The following TRIP12 variants were observed in gnomAD, a reference collection of about 807,000 sequenced individuals.
TRIP12 encodes E3 ubiquitin-protein ligase TRIP12.
A neutral mutation model predicts 244.2 loss-of-function variants in TRIP12; 25 were observed. That is an observed-to-expected ratio of 0.10 (90% confidence interval 0.07 to 0.14). The LOEUF (loss-of-function observed/expected upper bound fraction) is 0.14. TRIP12 is among the 10% of genes least tolerant of loss of function. The probability of loss-of-function intolerance (pLI) is 1.00; values close to 1 mark genes in which losing one functional copy is unlikely to be tolerated. For missense variants in TRIP12, 1,677 were observed against 2,486.4 expected (o/e 0.67, Z 6.92); for synonymous variants, 905 against 873.1 (o/e 1.04, Z -0.64).
In TRIP12 at chr2:229,764,197, ATTTTT is replaced by A. The variant is rs974723138; in HGVS notation, c.*3352_*3356del. 6.8e-6 allele frequency: 1 copy of A among 148,114 alleles called. No homozygotes were observed. The highest frequency in any genetic ancestry group is 1.5e-5 in the Non-Finnish European group (1 of 66,668). 9.2% of individuals were successfully genotyped at this position (148,114 alleles called of 1,614,324 possible). ...TATTTATAAATGCTATTTTGTCTGG[ATTTTT>A]TTTTTTGAGGTAACAAAGGAAGCAT... On this transcript the variant is annotated 3_prime_UTR_variant, in exon 42 of 42. Coordinates refer to ENST00000675903, the MANE Select transcript of TRIP12 (RefSeq NM_001348323.3).
chr2:229,792,252 C>T lies in TRIP12; in HGVS notation c.4142-26G>A, dbSNP rs202236510. ...CTGAAGACCCAAGTAGACTTTTAAA[C>T]TCTTAGCGATTTTAGGTGTAAAAAA... is the stretch of plus-strand genomic sequence containing the variant. On this transcript the variant is annotated intron_variant, in intron 27 of 41. Coordinates refer to ENST00000675903, the MANE Select transcript of TRIP12 (RefSeq NM_001348323.3). 14 of 1,604,456 alleles carry T rather than the reference C, an allele frequency of 8.7e-6. 1 individual carries two copies. The East Asian group carries it at 2.5e-4, about 28-fold the overall frequency.
chr2:229,831,021 G>C, intron 6 of TRIP12, 182 bp from the exon 7 acceptor site: 1 of 684,528 alleles, frequency 1.5e-6, no homozygotes, highest in South Asian at 1.7e-5. Flanking sequence ...AATGAAAGGA[G>C]AGCTCAACTA....
At position 229,858,763 on chromosome 2, in the gene TRIP12, TAAAC is replaced by T; in HGVS notation, c.1027+5_1027+8del. The T allele has an allele frequency of 1.3e-6, 2 of 1,551,982 alleles. No homozygotes were observed. Among genetic ancestry groups the T allele is most frequent in the Admixed American group, 2.1e-5 (1 of 47,830 alleles). On this transcript the variant is annotated splice_donor_5th_base_variant and intron_variant, in intron 4 of 41. Coordinates refer to ENST00000675903, the MANE Select transcript of TRIP12 (RefSeq NM_001348323.3). ...TTAATTAAAGAAAAATACCTTTTTG[TAAAC>T]TTACTTGCTAATTTGGCCTGTAATC...
chr2:229,791,399 T>G (rs2041487086), intron 29 of TRIP12, 148 bp from the exon 30 acceptor site: 1 of 980,112 alleles, frequency 1.0e-6, no homozygotes, highest in African/African-American at 1.6e-5. Context: ...GAGAACTTCT[T>G]AGAAGAGATC....
intron 1 of TRIP12, among the ~76,000 whole-genome samples, chr2:229,881,173 G>T (rs143078625): frequency 6.6e-6 from 1 of 152,170 alleles, no homozygotes; most frequent in Non-Finnish European, 1.5e-5. Flanking sequence ...AAGAAATTGC[G>T]AAAGTATTTT....
At chr2:229,892,425 T>A (rs2067593019) in intron 1 of TRIP12, among the ~76,000 whole-genome samples, 1 of 152,176 alleles carries the variant, frequency 6.6e-6, no homozygotes, top group Non-Finnish European at 1.5e-5. Context: ...ATGTCTTGAG[T>A]CTGTTCAAAC....
intron 33 of TRIP12, among the ~76,000 whole-genome samples, chr2:229,786,213 G>A (rs1356202291): frequency 6.6e-6 from 1 of 152,116 alleles, no homozygotes. Context: ...TTTAGATAGA[G>A]AAATAGATAT....
At position 229,798,887 on chromosome 2, in the gene TRIP12, A is replaced by T; in HGVS notation, c.3470T>A (p.Ile1157Asn). The part of the protein sequence containing the change: ...GLARAASKDT[I>N]SNNREKIKGW... The stretch of plus-strand genomic sequence containing the variant: ...CCCCCCACTTCACCTATTATTGGAG[A>T]TGGTATCCTTTGAGGCAGCCCTGGC... The change falls in exon 23 of 42, where the codon ATC (isoleucine) becomes AAC (asparagine). Residue 1157 changes from isoleucine (I) to asparagine (N), a missense_variant. Transcript: ENST00000675903. 6.2e-7 allele frequency: 1 copy of T among 1,613,220 alleles called. No individual in the cohort carries two copies.
rs2031407843 is a variant in TRIP12, at chr2:229,765,257, G to A, written c.*2297C>T. 1 of 152,146 alleles carries A rather than the reference G, an allele frequency of 6.6e-6. No individual in the cohort carries two copies. The highest frequency in any genetic ancestry group is 6.5e-5 in the Admixed American group (1 of 15,272). The allele number at this position is 152,146 out of a possible 1,614,324, so 9.4% of individuals were successfully genotyped here. On this transcript the variant is annotated 3_prime_UTR_variant, in exon 42 of 42. Transcript: ENST00000675903. Reference sequence around the variant, plus strand: ...GTTGTTACCCAACTAAGTGTTTAAAGTATACTAAGAAGTTAGTGCTCGTTG... The same window carrying A: ...GTTGTTACCCAACTAAGTGTTTAAAATATACTAAGAAGTTAGTGCTCGTTG...
At chr2:229,870,909 C>G (rs1339931155) in intron 2 of TRIP12, among the ~76,000 whole-genome samples, 1 of 152,092 alleles carries the variant, frequency 6.6e-6, no homozygotes. Context: ...CACGGTGGCT[C>G]ACACCTGTAA....
At chr2:229,889,868 G>A (rs1560151523) in intron 1 of TRIP12, among the ~76,000 whole-genome samples, 2 of 152,068 alleles carry the variant, frequency 1.3e-5, no homozygotes, top group Non-Finnish European at 2.9e-5. Flanking sequence ...GAAACCTCCT[G>A]GCTAAGAATA....
rs2037131247 is a variant in TRIP12 at position 229,778,773 on chromosome 2, C to CA, written c.5209+102dup. ...TGAGAAAACAGAGGCTAAAAGAAAG[C>CA]AAGTACAGCTGTCCATTAGAAATTA... On this transcript the variant is annotated intron_variant, in intron 35 of 41. Coordinates refer to ENST00000675903, the MANE Select transcript of TRIP12 (RefSeq NM_001348323.3). The surrounding 1 kb of genome is among the most constrained non-coding windows in gnomAD (Gnocchi z 4.1). 3.0e-6 allele frequency: 4 copies of CA among 1,353,028 alleles called. No homozygotes were observed. Among genetic ancestry groups the CA allele is most frequent in the Non-Finnish European group, 4.1e-6 (4 of 972,576 alleles). 83.8% of individuals were successfully genotyped at this position (1,353,028 alleles called of 1,614,324 possible). A position where few individuals can be genotyped will look rare whatever the true frequency, so the allele number is the denominator to read the frequency against.
intron 8 of TRIP12, among the ~76,000 whole-genome samples, chr2:229,818,748 C>G (rs1400253679): frequency 1.3e-5 from 2 of 152,130 alleles, no homozygotes; most frequent in Non-Finnish European, 2.9e-5. Context: ...TAATTGAAAA[C>G]TTGACTGGTT....
chr2:229,827,218 T>A (rs2051920444), intron 8 of TRIP12, among the ~76,000 whole-genome samples: 2 of 151,254 alleles, frequency 1.3e-5, no homozygotes, highest in African/African-American at 4.9e-5. Context: ...AGGAGTAGGT[T>A]GCAGTGAGCT....
At chr2:229,917,572 A>C in intron 1 of TRIP12, among the ~76,000 whole-genome samples, 1 of 152,104 alleles carries the variant, frequency 6.6e-6, no homozygotes, top group East Asian at 1.9e-4. Context: ...AGTGGCACAG[A>C]ATAATCCACT....
At chr2:229,846,035 G>A (rs979456838) in intron 4 of TRIP12, among the ~76,000 whole-genome samples, 4 of 149,570 alleles carry the variant, frequency 2.7e-5, no homozygotes, top group Non-Finnish European at 3.0e-5. Context: ...AAAAAAAGGT[G>A]GGGGGGGCAG....
At position 229,810,977 on chromosome 2, in the gene TRIP12, T is replaced by C. The variant is rs145741062; in HGVS notation, c.2124A>G (p.Pro708=). The C allele has an allele frequency of 1.8e-3, 2,857 of 1,614,050 alleles. 12 individuals carry two copies. The highest frequency in any genetic ancestry group is 7.3e-3 in the Middle Eastern group (44 of 6,060). The change falls in exon 15 of 42, where the codon CCA becomes CCG. Residue 708 remains proline, a synonymous_variant. Coordinates refer to ENST00000675903, the MANE Select transcript of TRIP12 (RefSeq NM_001348323.3). ...TNVQQLLVVT[P]PILSSGMFIM... The stretch of plus-strand genomic sequence containing the variant: ...TAAACATCCCAGAACTTAAAATGGG[T>C]GGAGTCACTACCAACAGCTGTTGAA...
chr2:229,914,248 GA>G (rs2074941748), intron 1 of TRIP12, among the ~76,000 whole-genome samples: 1 of 152,182 alleles, frequency 6.6e-6, no homozygotes, highest in South Asian at 2.1e-4. Flanking sequence ...CAAGATGTGA[GA>G]GGGGGTGTCA....
rs770337108 is a variant in TRIP12 at position 229,792,016 on chromosome 2, T to C, written c.4265A>G (p.Tyr1422Cys). Reference sequence around the variant, plus strand: ...ATACGGCAGCAAATGTTCTCCAATATAAAACTGCAGCCTGTGTCTTACATT... The same window carrying C: ...ATACGGCAGCAAATGTTCTCCAATACAAAACTGCAGCCTGTGTCTTACATT... ...SGNVRHRLQF[Y>C]IGEHLLPYNM... Residue 1422 changes from tyrosine to cysteine, a missense_variant, in exon 29 of 42, where the codon TAT (tyrosine) becomes TGT (cysteine). Physicochemically the swap from Tyr to Cys is radical, Grantham distance 194. Coordinates refer to ENST00000675903, the MANE Select transcript of TRIP12 (RefSeq NM_001348323.3). The C allele has an allele frequency of 1.2e-6, 2 of 1,614,130 alleles. No individual in the cohort carries two copies. The highest frequency in any genetic ancestry group is 2.2e-5 in the South Asian group (2 of 91,086).
Sources: allele counts gnomAD v4.1 joint callset (sites outside exome capture counted in the v4.1 genomes callset), GRCh38; gene constraint gnomAD v4.1.1; non-coding constraint Gnocchi (gnomAD v3.1); transcripts MANE v1.5; gene names NCBI Gene and HGNC (gene_info 2026-07-23, HGNC 2026-07-21).